The following TYK2 variants were observed in gnomAD, a reference collection of about 807,000 sequenced individuals.
The protein encoded by TYK2 is tyrosine kinase 2, also known as non-receptor tyrosine-protein kinase TYK2.
Under a neutral mutation model 130.9 loss-of-function variants are expected in TYK2, and 65 were observed. The ratio of observed to expected loss-of-function variants is 0.50; its 90% CI spans 0.41 to 0.61. The LOEUF (loss-of-function observed/expected upper bound fraction) is 0.61, where lower values mean the gene tolerates loss of function less well. Ranked by LOEUF, TYK2 falls within the 20% of genes least tolerant of loss-of-function variation. The pLI is 0.00. For synonymous variants in TYK2, 647 were observed against 658.9 expected (o/e 0.98, Z 0.28); for missense variants, 1,378 against 1,610.7 (o/e 0.86, Z 2.47).
chr19:10,356,962 A>G, intron 17 of TYK2: 1 of 571,358 alleles, frequency 1.8e-6, no homozygotes, highest in Non-Finnish European at 3.1e-6. Context: ...TCCTGCCCCA[A>G]GCTTCCCTCC....
intron 23 of TYK2, chr19:10,351,468 C>A: frequency 2.8e-6 from 1 of 358,270 alleles, no homozygotes; most frequent in Non-Finnish European, 5.4e-6. Flanking sequence ...GCCTGGGATA[C>A]AAGTGTGAAA....
Position 10,358,294 on chromosome 19 carries a change from G to GTTTTTTTTT in TYK2, c.2176-165_2176-157dup, listed in dbSNP as rs770531180. ...TTTTTTGGGGGGTTATTTTTTTCTT[G>GTTTTTTTTT]TTTTTTTTTTTTTTTTTTTTTTTTA... On this transcript the variant is annotated intron_variant, in intron 15 of 24. Coordinates refer to ENST00000525621, the MANE Select transcript of TYK2 (RefSeq NM_003331.5). Among the ~76,000 whole-genome samples, 330 of 91,386 alleles carry GTTTTTTTTT rather than the reference G, an allele frequency of 3.6e-3. 11 individuals carry two copies. Among genetic ancestry groups the GTTTTTTTTT allele is most frequent in the African/African-American group, 0.014 (312 of 22,854 alleles). The allele number at this position is 91,386 out of a possible 152,430, so 60.0% of individuals were successfully genotyped here. A position where few individuals can be genotyped will look rare whatever the true frequency, so the allele number is the denominator to read the frequency against.
At chr19:10,360,333 A>G (rs983456070) in intron 14 of TYK2, among the ~76,000 whole-genome samples, 3 of 152,020 alleles carry the variant, frequency 2.0e-5, no homozygotes, top group Non-Finnish European at 4.4e-5. Flanking sequence ...CATCTCTACA[A>G]AAAATTTTTA....
In TYK2 at chr19:10,364,944, T is replaced by C. The variant is rs774964740; in HGVS notation, c.1116A>G (p.Pro372=). The part of the protein sequence containing the change: ...VGQPADRPRE[P]LWAYFCDFRD... ...GGAAGTCACAGAAGTAGGCCCACAG[T>C]GGCTCCCGCGGCCTGTCTGCCGGCT... is the stretch of plus-strand genomic sequence containing the variant. Residue 372 remains proline, a synonymous_variant, in exon 8 of 25, where the codon CCA becomes CCG. Coordinates refer to ENST00000525621, the MANE Select transcript of TYK2 (RefSeq NM_003331.5). This position sits in a 1 kb window ranked among gnomAD's most constrained non-coding sequence, Gnocchi z 4.9. The C allele has an allele frequency of 3.2e-5, 51 of 1,614,064 alleles. No homozygotes were observed. In the African/African-American group the frequency reaches 6.4e-4, roughly 20 times the overall value.
At position 10,366,316 on chromosome 19, in the gene TYK2, A is replaced by C. The variant is rs184338071; in HGVS notation, c.629+101T>G. 9,700 of 1,334,284 alleles carry C rather than the reference A, an allele frequency of 7.3e-3. 70 individuals carry two copies. Among genetic ancestry groups the C allele is most frequent in the Non-Finnish European group, 8.9e-3 (8,702 of 977,380 alleles). The allele number at this position is 1,334,284 out of a possible 1,614,324, so 82.7% of individuals were successfully genotyped here. The stretch of plus-strand genomic sequence containing the variant: ...AGAGAGACTCCGGCTCAGAAAAAAA[A>C]AAAAGTAGAGGCACGGCAATATGCA... On this transcript the variant is annotated intron_variant, in intron 6 of 24. Transcript: ENST00000525621.
rs1336673907 is a variant in TYK2, at chr19:10,361,187, G to A, written c.2047+324C>T. On this transcript the variant is annotated intron_variant, in intron 14 of 24. Transcript: ENST00000525621. This position sits in a 1 kb window ranked among gnomAD's most constrained non-coding sequence, Gnocchi z 4.0. ...TCTGCCTGAGGCCATAGTGCTGATG[G>A]GGCCAGGAGCAGATGGGGGCTGGAC... 4 of 542,224 alleles carry A rather than the reference G, an allele frequency of 7.4e-6. No homozygotes were observed. The highest frequency in any genetic ancestry group is 1.4e-5 in the Non-Finnish European group (4 of 292,824). 33.6% of individuals were successfully genotyped at this position (542,224 alleles called of 1,614,324 possible). A position where few individuals can be genotyped will look rare whatever the true frequency, so the allele number is the denominator to read the frequency against.
chr19:10,372,911 T>C (rs1159134675), intron 3 of TYK2, among the ~76,000 whole-genome samples: 1 of 152,068 alleles, frequency 6.6e-6, no homozygotes, highest in Non-Finnish European at 1.5e-5. Flanking sequence ...TCACCCAGAC[T>C]GGAGTGCAAT....
rs956861132 is a variant in TYK2 at position 10,375,924 on chromosome 19, C to CA, written c.193+2289dup. On this transcript the variant is annotated intron_variant, in intron 3 of 24. Coordinates refer to ENST00000525621, the MANE Select transcript of TYK2 (RefSeq NM_003331.5). ...CCTGGGACAGAGCGAGACTCCATCTCAAAAAAAAGAAAAAAAGAAAGACTG... is the reference window on the plus strand; with the variant it reads ...CCTGGGACAGAGCGAGACTCCATCTCAAAAAAAAAGAAAAAAAGAAAGACTG... Among the ~76,000 whole-genome samples the CA allele has an allele frequency of 3.6e-4, 52 of 145,132 alleles. 2 individuals are homozygous for CA. The highest frequency in any genetic ancestry group is 2.0e-3 in the East Asian group (10 of 4,888).
At chr19:10,378,460 T>A (rs2042250346) in intron 2 of TYK2, 34 bp from the exon 3 acceptor site, 1 of 1,571,186 alleles carries the variant, frequency 6.4e-7, no homozygotes, top group South Asian at 1.1e-5. Context: ...CTCCCAAGTC[T>A]CAGCCCAGAG....
chr19:10,354,412 C>A, intron 19 of TYK2, 100 bp downstream of exon 19: 2 of 1,385,492 alleles, frequency 1.4e-6, no homozygotes, highest in Non-Finnish European at 2.0e-6. Context: ...AGGGTCCCAC[C>A]CACATCTCCT....
chr19:10,366,899 C>A (rs2041690360), intron 5 of TYK2, among the ~76,000 whole-genome samples: 1 of 151,966 alleles, frequency 6.6e-6, no homozygotes, highest in Non-Finnish European at 1.5e-5. Context: ...ACAAAATTAG[C>A]CAGGTGTGGT....
At chr19:10,351,288 A>G in intron 23 of TYK2, 126 bp from the exon 24 acceptor site, 1 of 708,028 alleles carries the variant, frequency 1.4e-6, no homozygotes, top group Non-Finnish European at 2.5e-6. Flanking sequence ...GGAGTTCGAG[A>G]CCAGCCTGGC....
At chr19:10,371,438 C>T (rs1334021932) in intron 3 of TYK2, among the ~76,000 whole-genome samples, 7 of 151,838 alleles carry the variant, frequency 4.6e-5, no homozygotes, top group Non-Finnish European at 7.4e-5. Context: ...GTCGGGAGTT[C>T]GAGACCAGCC....
At chr19:10,372,484 A>ATAT (rs1390400916) in intron 3 of TYK2, among the ~76,000 whole-genome samples, 32 of 37,436 alleles carry the variant, frequency 8.5e-4, no homozygotes, top group African/African-American at 1.4e-3. Context: ...ATATATATAT[A>ATAT]TTTTTTTTTT....
chr19:10,365,402 C>T (rs2145247749), intron 7 of TYK2, 115 bp downstream of exon 7: 2 of 1,502,686 alleles, frequency 1.3e-6, no homozygotes, highest in South Asian at 1.1e-5. Flanking sequence ...TGCCCCAGAG[C>T]CATGTGGGGA....
chr19:10,352,133 G>A (rs958861312), intron 23 of TYK2, among the ~76,000 whole-genome samples: 5 of 150,040 alleles, frequency 3.3e-5, no homozygotes, highest in Non-Finnish European at 7.4e-5. Context: ...GTGCAGTCGG[G>A]AGATCTCGGC....
In TYK2 at chr19:10,357,835, C is replaced by T. The variant is rs781536408; in HGVS notation, c.2395G>A (p.Gly799Arg). 2.5e-6 allele frequency: 4 copies of T among 1,613,518 alleles called. No homozygotes were observed. In the East Asian group the frequency reaches 8.9e-5, roughly 36 times the overall value. ...ATCTCCAGGAGGGTGGCGCCAAACC[C>T]CCACTTGTCCATGGCGGTGCTTAGG... ...NSLSTAMDKW[G>R]FGATLLEICF... is the part of the protein sequence containing the mutation. The change falls in exon 17 of 25, where the codon GGG becomes AGG. Residue 799 changes from glycine to arginine, a missense_variant. Physicochemically the swap from Gly to Arg is moderately radical, Grantham distance 125. Coordinates refer to ENST00000525621, the MANE Select transcript of TYK2 (RefSeq NM_003331.5).
At chr19:10,360,991 G>A (rs1364740511) in intron 14 of TYK2, 1 of 357,556 alleles carries the variant, frequency 2.8e-6, no homozygotes, top group African/African-American at 2.1e-5. Flanking sequence ...CTGGGTTTAA[G>A]CGATCCTCCC....
chr19:10,352,299 C>G, intron 23 of TYK2, 135 bp downstream of exon 23: 2 of 717,782 alleles, frequency 2.8e-6, no homozygotes, highest in Non-Finnish European at 5.1e-6. Context: ...GTCTCGATCT[C>G]CTGACCTCGT....
Sources: gnomAD v4.1 joint callset for allele counts (sites outside exome capture counted in the v4.1 genomes callset) on GRCh38, gnomAD v4.1.1 for gene constraint, Gnocchi (gnomAD v3.1) non-coding constraint, MANE v1.5 for transcripts, NCBI Gene and HGNC (gene_info 2026-07-23, HGNC 2026-07-21) for gene names.